The following EBF2 variants were observed in gnomAD, a reference collection of about 807,000 sequenced individuals.
EBF2 encodes the protein EBF transcription factor 2, also known as transcription factor COE2.
Under a neutral mutation model 72.8 loss-of-function variants are expected in EBF2, and 21 were observed. The ratio of observed to expected loss-of-function variants is 0.29; its 90% CI spans 0.20 to 0.42. The LOEUF (loss-of-function observed/expected upper bound fraction) is 0.42. Ranked by LOEUF, EBF2 falls within the 10% of genes least tolerant of loss-of-function variation. The pLI, the probability that EBF2 is intolerant of heterozygous loss-of-function variation, is 1.00. For missense variants in EBF2, 637 were observed against 731.2 expected (o/e 0.87, Z 1.49); for synonymous variants, 299 against 274.2 (o/e 1.09, Z -0.89).
rs2117238941 is a variant in EBF2, at chr8:25,843,690, A to T, written c.*919T>A. ...TTAAAAAGTATTCACAAGAGTGTGG[A>T]CTATTTAGAAATCAGACGGAGCTGG... On this transcript the variant is annotated 3_prime_UTR_variant, in exon 16 of 16. Coordinates refer to ENST00000520164, the MANE Select transcript of EBF2 (RefSeq NM_022659.4). 1 of 152,408 alleles carries T rather than the reference A, an allele frequency of 6.6e-6. No individual in the cohort carries two copies. The highest frequency in any genetic ancestry group is 3.4e-3 in the Middle Eastern group (1 of 294). The allele number at this position is 152,408 out of a possible 1,614,324, so 9.4% of individuals were successfully genotyped here.
rs1174984906 is a variant in EBF2 at position 26,044,235 on chromosome 8, C to T, written c.131+494G>A. Among the ~76,000 whole-genome samples, 4 of 152,166 alleles carry T rather than the reference C, an allele frequency of 2.6e-5. No homozygotes were observed. Among genetic ancestry groups the T allele is most frequent in the African/African-American group, 9.7e-5 (4 of 41,448 alleles). ...CGGCTTTTCCCGCTCCCCTCGCCGC[C>T]GCCACCCTCTGGCCGCCGGCCTCCC... On this transcript the variant is annotated intron_variant, in intron 1 of 15. Coordinates refer to ENST00000520164, the MANE Select transcript of EBF2 (RefSeq NM_022659.4). This position sits in a 1 kb window ranked among gnomAD's most constrained non-coding sequence, Gnocchi z 4.1.
At chr8:25,877,364 T>C (rs982539542) in intron 10 of EBF2, among the ~76,000 whole-genome samples, 44 of 152,326 alleles carry the variant, frequency 2.9e-4, no homozygotes, top group African/African-American at 1.0e-3. Flanking sequence ...CTCCTCCAGG[T>C]CTCAAACCAG....
intron 6 of EBF2, among the ~76,000 whole-genome samples, chr8:25,988,554 A>G (rs557709155): frequency 5.9e-5 from 9 of 152,344 alleles, no homozygotes; most frequent in African/African-American, 2.2e-4. Flanking sequence ...TCAATGAATA[A>G]ATCATCTGCT....
At chr8:25,883,530 G>A (rs1270878891) in intron 10 of EBF2, among the ~76,000 whole-genome samples, 2 of 151,946 alleles carry the variant, frequency 1.3e-5, no homozygotes, top group African/African-American at 4.8e-5. Flanking sequence ...GTAAATAAAT[G>A]GGTGACACTT....
intron 6 of EBF2, among the ~76,000 whole-genome samples, chr8:25,960,408 G>T (rs1026763914): frequency 2.0e-5 from 3 of 152,174 alleles, no homozygotes; most frequent in Non-Finnish European, 4.4e-5. Context: ...TCCCAACCAT[G>T]GGAGGCAGAG....
chr8:25,885,462 A>G (rs1802673646), intron 10 of EBF2, among the ~76,000 whole-genome samples: 1 of 152,180 alleles, frequency 6.6e-6, no homozygotes, highest in African/African-American at 2.4e-5. Context: ...GAATTTGACT[A>G]CTGTATGTAC....
intron 6 of EBF2, among the ~76,000 whole-genome samples, chr8:25,996,252 G>A (rs1425189615): frequency 6.8e-6 from 1 of 147,916 alleles, no homozygotes; most frequent in Non-Finnish European, 1.5e-5. Context: ...CCAAGATCAT[G>A]CCACTGTACT....
At chr8:26,011,659 T>C (rs1034215086) in intron 6 of EBF2, among the ~76,000 whole-genome samples, 12 of 152,118 alleles carry the variant, frequency 7.9e-5, no homozygotes, top group Admixed American at 5.2e-4. Flanking sequence ...GATGGTACCA[T>C]TGACTAAAAG....
chr8:25,944,111 T>C (rs573227404), intron 6 of EBF2, among the ~76,000 whole-genome samples: 24 of 152,290 alleles, frequency 1.6e-4, no homozygotes, highest in African/African-American at 5.5e-4. Context: ...GCTAAGCACT[T>C]GTGTATGGCT....
At chr8:25,951,061 C>A (rs1803851193) in intron 6 of EBF2, among the ~76,000 whole-genome samples, 1 of 152,172 alleles carries the variant, frequency 6.6e-6, no homozygotes, top group South Asian at 2.1e-4. Context: ...AAAATAGATG[C>A]TGCTTCCCTA....
At chr8:25,964,244 G>A (rs1163035343) in intron 6 of EBF2, among the ~76,000 whole-genome samples, 1 of 152,128 alleles carries the variant, frequency 6.6e-6, no homozygotes, top group Non-Finnish European at 1.5e-5. Flanking sequence ...TCTGCAAAGA[G>A]CAGCAACAGA....
chr8:25,949,865 A>G (rs1248417712), intron 6 of EBF2, among the ~76,000 whole-genome samples: 2 of 152,242 alleles, frequency 1.3e-5, no homozygotes, highest in African/African-American at 4.8e-5. Flanking sequence ...GCTGGCCTGC[A>G]GGCATTCATC....
At chr8:25,942,030 C>T (rs189370601) in intron 6 of EBF2, among the ~76,000 whole-genome samples, 5 of 152,244 alleles carry the variant, frequency 3.3e-5, no homozygotes, top group African/African-American at 4.8e-5. Flanking sequence ...ACCATGTTCC[C>T]GTCCTCAGGG....
rs1805679958 is a variant in EBF2 at position 26,045,012 on chromosome 8, T to C, written c.-153A>G. ...TTGAGTCTTAGAAAAAAAAAAAAGA[T>C]AACCCGTCCTTTGCTTCACTGGCGA... On this transcript the variant is annotated 5_prime_UTR_variant, in exon 1 of 16. Transcript: ENST00000520164. 24 of 786,000 alleles carry C rather than the reference T, an allele frequency of 3.1e-5. No homozygotes were observed. The South Asian group carries it at 4.8e-4, about 16-fold the overall frequency. The allele number at this position is 786,000 out of a possible 1,614,324, so 48.7% of individuals were successfully genotyped here.
At chr8:25,917,213 T>TA (rs1563399788) in intron 6 of EBF2, among the ~76,000 whole-genome samples, 2 of 150,346 alleles carry the variant, frequency 1.3e-5, no homozygotes, top group Admixed American at 6.6e-5. Context: ...TTTTTTTTTT[T>TA]ATCCCCCCTT....
At chr8:25,985,162 A>G (rs1804428446) in intron 6 of EBF2, among the ~76,000 whole-genome samples, 1 of 152,184 alleles carries the variant, frequency 6.6e-6, no homozygotes, top group South Asian at 2.1e-4. Flanking sequence ...CCAACGTCTC[A>G]AAGCCCTCCA....
At chr8:26,000,273 T>C (rs1200608651) in intron 6 of EBF2, among the ~76,000 whole-genome samples, 1 of 152,114 alleles carries the variant, frequency 6.6e-6, no homozygotes, top group Non-Finnish European at 1.5e-5. Flanking sequence ...CTTGCTCCAT[T>C]ACAAAGCAGT....
At chr8:26,003,460 G>A (rs1238889992) in intron 6 of EBF2, among the ~76,000 whole-genome samples, 1 of 152,174 alleles carries the variant, frequency 6.6e-6, no homozygotes, top group African/African-American at 2.4e-5. Flanking sequence ...CTTTTATGTA[G>A]GTAAGGCAGC....
At chr8:26,005,242 T>C (rs1393383995) in intron 6 of EBF2, among the ~76,000 whole-genome samples, 1 of 86,288 alleles carries the variant, frequency 1.2e-5, no homozygotes, top group Non-Finnish European at 2.1e-5. Context: ...ATGTGATATA[T>C]ATACATTTTA....
Sources: allele counts gnomAD v4.1 joint callset (sites outside exome capture counted in the v4.1 genomes callset), GRCh38; gene constraint gnomAD v4.1.1; non-coding constraint Gnocchi (gnomAD v3.1); transcripts MANE v1.5; gene names NCBI Gene and HGNC (gene_info 2026-07-23, HGNC 2026-07-21).